The following CDC14A variants were observed in gnomAD, a reference collection of about 807,000 sequenced individuals.
The protein encoded by CDC14A is dual specificity protein phosphatase CDC14A.
In CDC14A, 53 loss-of-function variants were observed where a neutral mutation model predicts 74.4. That is an observed-to-expected ratio of 0.71 (90% confidence interval 0.57 to 0.89). The LOEUF (loss-of-function observed/expected upper bound fraction) is 0.89, where lower values mean the gene tolerates loss of function less well. Among genes scored for constraint, CDC14A ranks in the 40% least tolerant of loss-of-function variants. The pLI is 0.00. For synonymous variants in CDC14A, 247 were observed against 258.4 expected, an observed-to-expected ratio of 0.96 and a Z score of 0.43; for missense variants, 646 against 713.7, an observed-to-expected ratio of 0.91 and a Z score of 1.08.
intron 5 of CDC14A, among the ~76,000 whole-genome samples, chr1:100,432,933 G>T (rs1167346947): frequency 6.6e-6 from 1 of 152,166 alleles, no homozygotes; most frequent in African/African-American, 2.4e-5. Flanking sequence ...CTGTTAGCAG[G>T]CTGGGGTGCA....
intron 2 of CDC14A, among the ~76,000 whole-genome samples, chr1:100,355,156 ACC>A (rs1651711792): frequency 6.6e-6 from 1 of 152,196 alleles, no homozygotes; most frequent in Non-Finnish European, 1.5e-5. Context: ...GCGGCTGTGT[ACC>A]TGGATGATGT....
chr1:100,404,657 C>T (rs1261266324), intron 4 of CDC14A, among the ~76,000 whole-genome samples: 1 of 152,038 alleles, frequency 6.6e-6, no homozygotes. Flanking sequence ...GGTGAAACCC[C>T]GTCTCTACTA....
At chr1:100,511,258 TCA>T (rs1649754089) in intron 15 of CDC14A, among the ~76,000 whole-genome samples, 1 of 152,180 alleles carries the variant, frequency 6.6e-6, no homozygotes, top group South Asian at 2.1e-4. Context: ...TGTCTTCCTC[TCA>T]CAGTTTCTCC....
At chr1:100,475,413 C>T (rs1668789878) in intron 10 of CDC14A, among the ~76,000 whole-genome samples, 1 of 152,194 alleles carries the variant, frequency 6.6e-6, no homozygotes, top group South Asian at 2.1e-4. Flanking sequence ...TAGCGATCAT[C>T]TCTTTTCATT....
upstream of CDC14A, chr1:100,352,463 A>G (rs952077049): frequency 3.0e-6 from 3 of 1,010,758 alleles, no homozygotes; most frequent in African/African-American, 1.7e-5. Flanking sequence ...GAGGAGGAGG[A>G]GGAAGAGTAA....
intron 2 of CDC14A, among the ~76,000 whole-genome samples, chr1:100,362,774 T>C (rs549986570): frequency 1.3e-5 from 2 of 152,316 alleles, no homozygotes; most frequent in African/African-American, 4.8e-5. Context: ...ATATGTAACA[T>C]CCCCAGTTCT....
chr1:100,442,566 G>T (rs1665075204), intron 6 of CDC14A, among the ~76,000 whole-genome samples: 1 of 151,466 alleles, frequency 6.6e-6, no homozygotes, highest in South Asian at 2.1e-4. Context: ...TCCTAACAAA[G>T]AAGTTAATCA....
At chr1:100,364,654 G>T (rs760755193) in intron 2 of CDC14A, among the ~76,000 whole-genome samples, 1 of 152,202 alleles carries the variant, frequency 6.6e-6, no homozygotes, top group African/African-American at 2.4e-5. Context: ...TATACTGTCT[G>T]TATAGCTCTC....
rs1651301133 is a variant in CDC14A, at chr1:100,352,940, C to T, written c.-15C>T. On this transcript the variant is annotated 5_prime_UTR_variant, in exon 1 of 16. Coordinates refer to ENST00000336454, the MANE Select transcript of CDC14A (RefSeq NM_003672.4). The stretch of plus-strand genomic sequence containing the variant: ...GGCCACGACCCAGCCCTCCCCCGTG[C>T]GTATCTCGCTTAAGATGGCAGCGGA... 4 of 1,613,728 alleles carry T rather than the reference C, an allele frequency of 2.5e-6. 1 individual carries two copies. The Admixed American group carries it at 5.0e-5, about 20-fold the overall frequency.
chr1:100,436,993 C>G (rs1664416904), intron 5 of CDC14A, among the ~76,000 whole-genome samples: 1 of 152,138 alleles, frequency 6.6e-6, no homozygotes. Context: ...CCAGACCAGT[C>G]TGGGCAACAT....
Position 100,520,024 on chromosome 1 carries a change from ATG to A in CDC14A, c.*1750_*1751del, listed in dbSNP as rs1384615347. 2.6e-5 allele frequency: 4 copies of A among 152,598 alleles called. No homozygotes were observed. The highest frequency in any genetic ancestry group is 2.1e-4 in the South Asian group (1 of 4,824). The allele number at this position is 152,598 out of a possible 1,614,324, so 9.5% of individuals were successfully genotyped here. ...TGACTACTGTAAATTTCCCATAATT[ATG>A]TGTGTATATGTGTCATATGTATGTA... On this transcript the variant is annotated 3_prime_UTR_variant, in exon 16 of 16. Transcript: ENST00000336454.
Position 100,370,683 on chromosome 1 carries a change from A to G in CDC14A, c.141-6863A>G, listed in dbSNP as rs940281933. On this transcript the variant is annotated intron_variant, in intron 2 of 15. Transcript: ENST00000336454. ...CATTGTTCTATGTGTCTGTTTTTGT[A>G]CCAGTACCATGCTGTTTTGGTTATT... Among the ~76,000 whole-genome samples the G allele has an allele frequency of 3.9e-5, 6 of 152,194 alleles. No individual in the cohort carries two copies. In the East Asian group the frequency reaches 5.8e-4, roughly 15 times the overall value.
chr1:100,465,238 C>T (rs1014285364), intron 9 of CDC14A, among the ~76,000 whole-genome samples: 6 of 152,178 alleles, frequency 3.9e-5, no homozygotes, highest in African/African-American at 1.4e-4. Flanking sequence ...GCGGGGATTA[C>T]AGGTGTGAGC....
chr1:100,381,802 C>T (rs1221346662), intron 3 of CDC14A, among the ~76,000 whole-genome samples: 1 of 152,154 alleles, frequency 6.6e-6, no homozygotes, highest in Non-Finnish European at 1.5e-5. Flanking sequence ...CTTATTTAAA[C>T]TGTACTTTAA....
intron 7 of CDC14A, among the ~76,000 whole-genome samples, chr1:100,449,410 C>G (rs1019893876): frequency 6.6e-6 from 1 of 152,206 alleles, no homozygotes; most frequent in African/African-American, 2.4e-5. Flanking sequence ...CTCCTTACTA[C>G]AGCACAGAAG....
At position 100,352,772 on chromosome 1, in the gene CDC14A, C is replaced by A; in HGVS notation, c.-183C>A. The stretch of plus-strand genomic sequence containing the variant: ...GAGCTCGGGTTCCCCTCGGAATGTC[C>A]CCGGGGCGCCCGGCGCGCTGACCCC... On this transcript the variant is annotated 5_prime_UTR_variant, in exon 1 of 16. Coordinates refer to ENST00000336454, the MANE Select transcript of CDC14A (RefSeq NM_003672.4). 1 of 1,421,336 alleles carries A rather than the reference C, an allele frequency of 7.0e-7. No homozygotes were observed. The highest frequency in any genetic ancestry group is 9.1e-7 in the Non-Finnish European group (1 of 1,094,338). 88.0% of individuals were successfully genotyped at this position (1,421,336 alleles called of 1,614,324 possible).
rs150816452 is a variant in CDC14A at position 100,479,491 on chromosome 1, T to C, written c.978-4801T>C. Among the ~76,000 whole-genome samples the C allele has an allele frequency of 3.2e-4, 49 of 152,374 alleles. No individual in the cohort carries two copies. In the East Asian group the frequency reaches 6.2e-3, roughly 19 times the overall value. ...CACTCTGTGTGCCTTTGCATACCTG[T>C]ACCATTTCCTTTTATGGTTTTCTTT... On this transcript the variant is annotated intron_variant, in intron 10 of 15. Transcript: ENST00000336454.
chr1:100,482,802 A>C (rs1430194440), intron 10 of CDC14A, among the ~76,000 whole-genome samples: 3 of 151,956 alleles, frequency 2.0e-5, no homozygotes, highest in Admixed American at 6.6e-5. Context: ...ATATACAGAG[A>C]GAGATATCGA....
chr1:100,353,133 T>G, intron 1 of CDC14A, 130 bp downstream of exon 1: 2 of 920,896 alleles, frequency 2.2e-6, no homozygotes, highest in Non-Finnish European at 3.5e-6. Context: ...TCGTCCCCTC[T>G]AGGGACTCTC....
Sources: gnomAD v4.1 joint callset for allele counts (sites outside exome capture counted in the v4.1 genomes callset) on GRCh38, gnomAD v4.1.1 for gene constraint, MANE v1.5 for transcripts, NCBI Gene and HGNC (gene_info 2026-07-23, HGNC 2026-07-21) for gene names.